Variants in AQP6 observed in about 807,000 individuals in gnomAD.
AQP6 encodes aquaporin-6.
In AQP6, 14 loss-of-function variants were observed where a neutral mutation model predicts 16.3. The observed-to-expected ratio is 0.86, with a 90% CI of 0.57 to 1.34. AQP6 has a LOEUF of 1.34. Ranked by LOEUF, AQP6 falls within the 40% of genes most tolerant of loss-of-function variation. The probability of loss-of-function intolerance (pLI) is 0.00; values close to 1 mark genes in which losing one functional copy is unlikely to be tolerated. For synonymous variants in AQP6, 178 were observed against 166.8 expected (o/e 1.07, Z -0.52); for missense variants, 331 against 379.7 (o/e 0.87, Z 1.07).
chr12:49,974,860 A>G, intron 3 of AQP6, 34 bp downstream of exon 3: 2 of 1,611,204 alleles, frequency 1.2e-6, no homozygotes. Context: ...TGGGGAGGGA[A>G]GGGAGCCTGA....
intron 2 of AQP6, 108 bp downstream of exon 2, chr12:49,974,590 T>C: frequency 6.9e-7 from 1 of 1,443,652 alleles, no homozygotes; most frequent in Non-Finnish European, 9.4e-7. Flanking sequence ...CCCTCGTGCC[T>C]TGGAGCCAAA....
intron 3 of AQP6, 133 bp downstream of exon 3, chr12:49,974,959 G>C: frequency 6.9e-7 from 1 of 1,449,400 alleles, no homozygotes; most frequent in Admixed American, 2.6e-5. Context: ...CTTTCTTTTC[G>C]GCTTCAGTTG....
chr12:49,975,855 C>T lies in AQP6; in HGVS notation c.*184C>T, dbSNP rs2137173135. 1 of 785,844 alleles carries T rather than the reference C, an allele frequency of 1.3e-6. No homozygotes were observed. Among genetic ancestry groups the T allele is most frequent in the Middle Eastern group, 4.0e-4 (1 of 2,496 alleles). The allele number at this position is 785,844 out of a possible 1,614,324, so 48.7% of individuals were successfully genotyped here. A position where few individuals can be genotyped will look rare whatever the true frequency, so the allele number is the denominator to read the frequency against. On this transcript the variant is annotated 3_prime_UTR_variant, in exon 4 of 4. Transcript: ENST00000315520. This position sits in a 1 kb window ranked among gnomAD's most constrained non-coding sequence, Gnocchi z 4.4. Reference sequence around the variant, plus strand: ...AATCTGGGAGTGAATTTGTCCCATTCCCTCTCTGTAGGGCTTCCCCACCTC... The same window carrying T: ...AATCTGGGAGTGAATTTGTCCCATTTCCTCTCTGTAGGGCTTCCCCACCTC...
intron 1 of AQP6, 75 bp downstream of exon 1, chr12:49,973,650 G>C: frequency 1.4e-6 from 2 of 1,466,976 alleles, no homozygotes; most frequent in Non-Finnish European, 1.8e-6. Context: ...AGGCCAGGAC[G>C]GAGGCGAGGG....
At position 49,975,589 on chromosome 12, in the gene AQP6, G is replaced by C; in HGVS notation, c.767G>C (p.Gly256Ala). ...LAILTGTVEV[G>A]TGAGAGAEPL... ...ATCCTCACAGGCACCGTAGAGGTGG[G>C]GACAGGGGCAGGGGCAGGGGCGGAG... Residue 256 changes from glycine (G) to alanine (A), a missense_variant, in exon 4 of 4, where the codon GGG (glycine) becomes GCG (alanine). By Grantham distance (60) the Gly-to-Ala change is moderately conservative. Coordinates refer to ENST00000315520, the MANE Select transcript of AQP6 (RefSeq NM_001652.4). The surrounding 1 kb of genome is among the most constrained non-coding windows in gnomAD (Gnocchi z 4.4). The C allele has an allele frequency of 6.2e-7, 1 of 1,610,086 alleles. No individual in the cohort carries two copies.
At position 49,975,052 on chromosome 12, in the gene AQP6, T is replaced by C; in HGVS notation, c.642+226T>C. 2 of 1,368,526 alleles carry C rather than the reference T, an allele frequency of 1.5e-6. No individual in the cohort carries two copies. Among genetic ancestry groups the C allele is most frequent in the Non-Finnish European group, 1.9e-6 (2 of 1,064,866 alleles). 84.8% of individuals were successfully genotyped at this position (1,368,526 alleles called of 1,614,324 possible). On this transcript the variant is annotated intron_variant, in intron 3 of 3. Transcript: ENST00000315520. The surrounding 1 kb of genome is among the most constrained non-coding windows in gnomAD (Gnocchi z 4.4). Reference sequence around the variant, plus strand: ...CCCAGACTTTTAAGTCCTGGCTGTTTCCTTATTCACTTTCTCCAGCTGGAC... The same window carrying C: ...CCCAGACTTTTAAGTCCTGGCTGTTCCCTTATTCACTTTCTCCAGCTGGAC...
At position 49,977,026 on chromosome 12, in the gene AQP6, G is replaced by A. The variant is rs1947580150; in HGVS notation, c.*1355G>A. On this transcript the variant is annotated 3_prime_UTR_variant, in exon 4 of 4. Coordinates refer to ENST00000315520, the MANE Select transcript of AQP6 (RefSeq NM_001652.4). ...TTTCTGGATCTCGGCTTCTCCAGCT[G>A]TAAAATGGACACACAATCCTCCTCC... 1 of 702,374 alleles carries A rather than the reference G, an allele frequency of 1.4e-6. No homozygotes were observed. Among genetic ancestry groups the A allele is most frequent in the Non-Finnish European group, 2.6e-6 (1 of 384,844 alleles). 43.5% of individuals were successfully genotyped at this position (702,374 alleles called of 1,614,324 possible).
intron 1 of AQP6, among the ~76,000 whole-genome samples, 163 bp downstream of exon 1, chr12:49,973,738 T>C (rs1947548655): frequency 6.6e-6 from 1 of 152,184 alleles, no homozygotes; most frequent in Non-Finnish European, 1.5e-5. Context: ...ACTGAGACTT[T>C]GACCTCAGTC....
At position 49,975,657 on chromosome 12, in the gene AQP6, A is replaced by T. The variant is rs773177473; in HGVS notation, c.835A>T (p.Met279Leu). The T allele has an allele frequency of 6.4e-7, 1 of 1,574,450 alleles. No homozygotes were observed. ...ESQPGSGAVE[M>L]ESV The stretch of plus-strand genomic sequence containing the variant: ...CCAGCCGGGTTCGGGAGCCGTGGAG[A>T]TGGAGAGTGTGTGAAACAGCCTACG... Residue 279 changes from methionine (M) to leucine (L), a missense_variant, in exon 4 of 4, where the codon ATG becomes TTG. Met to Leu is a conservative substitution (Grantham distance 15). Coordinates refer to ENST00000315520, the MANE Select transcript of AQP6 (RefSeq NM_001652.4). This position sits in a 1 kb window ranked among gnomAD's most constrained non-coding sequence, Gnocchi z 4.4.
chr12:49,974,579 C>G (rs2137171769), intron 2 of AQP6, 97 bp downstream of exon 2: 1 of 1,456,740 alleles, frequency 6.9e-7, no homozygotes, highest in Non-Finnish European at 9.3e-7. Flanking sequence ...CCTCCCTGAG[C>G]CCCTCGTGCC....
At chr12:49,974,675 G>A in intron 2 of AQP6, 71 bp from the exon 3 acceptor site, 1 of 1,565,048 alleles carries the variant, frequency 6.4e-7, no homozygotes, top group Non-Finnish European at 8.8e-7. Context: ...TCTGAGCCAG[G>A]ACTGAGAAAT....
chr12:49,975,259 C>T lies in AQP6; in HGVS notation c.643-206C>T. On this transcript the variant is annotated intron_variant, in intron 3 of 3. Coordinates refer to ENST00000315520, the MANE Select transcript of AQP6 (RefSeq NM_001652.4). This position sits in a 1 kb window ranked among gnomAD's most constrained non-coding sequence, Gnocchi z 4.4. Reference sequence around the variant, plus strand: ...CGGCTGCAGAGCCTGGGCTCAGCCCCAGGGAGGGCAGGGAGAGCAAGGGGC... The same window carrying T: ...CGGCTGCAGAGCCTGGGCTCAGCCCTAGGGAGGGCAGGGAGAGCAAGGGGC... 1 of 1,357,338 alleles carries T rather than the reference C, an allele frequency of 7.4e-7. No homozygotes were observed. Among genetic ancestry groups the T allele is most frequent in the Non-Finnish European group, 9.4e-7 (1 of 1,061,074 alleles). The allele number at this position is 1,357,338 out of a possible 1,614,324, so 84.1% of individuals were successfully genotyped here.
intron 1 of AQP6, 95 bp from the exon 2 acceptor site, chr12:49,974,229 C>A: frequency 7.0e-7 from 1 of 1,434,744 alleles, no homozygotes; most frequent in Non-Finnish European, 9.2e-7. Context: ...GTGTCACCCC[C>A]CTCCAGCTGA....
chr12:49,975,342 C>A lies in AQP6; in HGVS notation c.643-123C>A, dbSNP rs1947563400. On this transcript the variant is annotated intron_variant, in intron 3 of 3. Transcript: ENST00000315520. This position sits in a 1 kb window ranked among gnomAD's most constrained non-coding sequence, Gnocchi z 4.4. The stretch of plus-strand genomic sequence containing the variant: ...CGACTCGTGGTTCTCAAATTTAGCA[C>A]CTTACAGACAGTTGAGGGAGACCTG... 16 of 1,483,832 alleles carry A rather than the reference C, an allele frequency of 1.1e-5. No individual in the cohort carries two copies. The highest frequency in any genetic ancestry group is 1.4e-5 in the Non-Finnish European group (16 of 1,124,170). The allele number at this position is 1,483,832 out of a possible 1,614,324, so 91.9% of individuals were successfully genotyped here.
In AQP6 at chr12:49,974,797, A is replaced by G. The variant is rs780382050; in HGVS notation, c.613A>G (p.Ile205Val). The change falls in exon 3 of 4, where the codon ATC (isoleucine) becomes GTC (valine). Residue 205 changes from isoleucine (I) to valine (V), a missense_variant. Physicochemically the swap from Ile to Val is conservative, Grantham distance 29. Coordinates refer to ENST00000315520, the MANE Select transcript of AQP6 (RefSeq NM_001652.4). ...MNPARSFGPA[I>V]IIGKFTVHWV... ...TCCAGCCCGCTCCTTCGGCCCTGCC[A>G]TCATCATTGGGAAGTTCACAGTCCA... The G allele has an allele frequency of 4.3e-6, 7 of 1,614,142 alleles. No homozygotes were observed. Among genetic ancestry groups the G allele is most frequent in the South Asian group, 2.2e-5 (2 of 91,084 alleles).
rs1308608856 is a variant in AQP6 at position 49,975,478 on chromosome 12, G to A, written c.656G>A (p.Gly219Glu). The change falls in exon 4 of 4, where the codon GGG (glycine) becomes GAG (glutamate). Residue 219 changes from glycine to glutamate, a missense_variant. Gly to Glu is a moderately conservative substitution (Grantham distance 98). Transcript: ENST00000315520. The surrounding 1 kb of genome is among the most constrained non-coding windows in gnomAD (Gnocchi z 4.4). ...KFTVHWVFWV[G>E]PLMGALLASL... is the part of the protein sequence containing the mutation. Reference sequence around the variant, plus strand: ...CCTTCTCCTCAGGTCTTCTGGGTGGGGCCCCTGATGGGAGCCCTCCTGGCC... The same window carrying A: ...CCTTCTCCTCAGGTCTTCTGGGTGGAGCCCCTGATGGGAGCCCTCCTGGCC... 2 of 1,601,970 alleles carry A rather than the reference G, an allele frequency of 1.2e-6. No individual in the cohort carries two copies.
rs1674168192 is a variant in AQP6, at chr12:49,973,035, G to A, written c.-139G>A. The stretch of plus-strand genomic sequence containing the variant: ...GGAGCGTGGTGGAGGAGCTGCAGGT[G>A]GGGGCCAGAGAAGCCTCCACAGAGA... On this transcript the variant is annotated 5_prime_UTR_variant, in exon 1 of 4. The change creates a premature stop within an existing upstream ORF in the 5' untranslated region. Transcript: ENST00000315520. 8.3e-7 allele frequency: 1 copy of A among 1,202,824 alleles called. No individual in the cohort carries two copies. Among genetic ancestry groups the A allele is most frequent in the South Asian group, 1.6e-5 (1 of 62,004 alleles). 74.5% of individuals were successfully genotyped at this position (1,202,824 alleles called of 1,614,324 possible). A position where few individuals can be genotyped will look rare whatever the true frequency, so the allele number is the denominator to read the frequency against.
chr12:49,974,487 G>A lies in AQP6; in HGVS notation c.561+5G>A, dbSNP rs59681816. The A allele has an allele frequency of 1.3e-3, 2,122 of 1,598,516 alleles. 23 individuals are homozygous for A. The African/African-American group carries it at 0.026, about 20-fold the overall frequency. ...GCACTGGGCCACCTCATTGGGGTAAGGAACAGAGGGGACACCGTGCACATG... is the reference window on the plus strand; with the variant it reads ...GCACTGGGCCACCTCATTGGGGTAAAGAACAGAGGGGACACCGTGCACATG... On this transcript the variant is annotated splice_donor_5th_base_variant and intron_variant, in intron 2 of 3. Transcript: ENST00000315520.
At chr12:49,974,990 G>A (rs1947561018) in intron 3 of AQP6, 164 bp downstream of exon 3, 7 of 1,425,206 alleles carry the variant, frequency 4.9e-6, no homozygotes, top group Non-Finnish European at 4.6e-6. Flanking sequence ...CCAGTGGACT[G>A]GCAAGAAATG....
Sources: gnomAD v4.1 joint callset for allele counts (sites outside exome capture counted in the v4.1 genomes callset) on GRCh38, gnomAD v4.1.1 for gene constraint, Gnocchi (gnomAD v3.1) non-coding constraint, MANE v1.5 for transcripts, NCBI Gene and HGNC (gene_info 2026-07-23, HGNC 2026-07-21) for gene names.